VWA7: variants seen among roughly 807,000 people sequenced by gnomAD.
The protein encoded by VWA7 is von Willebrand factor A domain containing 7.
VWA7 carries 66 observed loss-of-function variants against 83.1 expected under a neutral mutation model. The observed-to-expected ratio is 0.79, with a 90% CI of 0.65 to 0.98. The LOEUF is 0.98. VWA7 is among the 50% of genes least tolerant of loss of function. The probability of loss-of-function intolerance (pLI) is 0.00; values close to 1 mark genes in which losing one functional copy is unlikely to be tolerated. For synonymous variants in VWA7, 424 were observed against 488.5 expected, an observed-to-expected ratio of 0.87 and a Z score of 1.74; for missense variants, 1,080 against 1,160.2, an observed-to-expected ratio of 0.93 and a Z score of 1.00.
chr6:31,773,512 G>A lies in VWA7; in HGVS notation c.722-75C>T. The A allele has an allele frequency of 2.8e-6, 4 of 1,407,372 alleles. No individual in the cohort carries two copies. The highest frequency in any genetic ancestry group is 3.8e-6 in the Non-Finnish European group (4 of 1,054,674). The allele number at this position is 1,407,372 out of a possible 1,614,324, so 87.2% of individuals were successfully genotyped here. A position where few individuals can be genotyped will look rare whatever the true frequency, so the allele number is the denominator to read the frequency against. On this transcript the variant is annotated intron_variant, in intron 5 of 16. Transcript: ENST00000375688. This position sits in a 1 kb window ranked among gnomAD's most constrained non-coding sequence, Gnocchi z 5.3. ...TCCTAAGAAAATGAGGCCCTTTCAG[G>A]CCTGGCCTGACCCTCTCACCCCTCA... is the stretch of plus-strand genomic sequence containing the variant.
chr6:31,772,584 C>CTTTTTTTTTTTTTTTTTTT lies in VWA7; in HGVS notation c.1087+351_1087+369dup, dbSNP rs9279415. Among the ~76,000 whole-genome samples, 172 of 35,082 alleles carry CTTTTTTTTTTTTTTTTTTT rather than the reference C, an allele frequency of 4.9e-3. 2 individuals are homozygous for CTTTTTTTTTTTTTTTTTTT. Among genetic ancestry groups the CTTTTTTTTTTTTTTTTTTT allele is most frequent in the Admixed American group, 5.5e-3 (11 of 2,000 alleles). The allele number at this position is 35,082 out of a possible 152,430, so 23.0% of individuals were successfully genotyped here. On this transcript the variant is annotated intron_variant, in intron 7 of 16. Coordinates refer to ENST00000375688, the MANE Select transcript of VWA7 (RefSeq NM_025258.3). ...CTTTTCTTTTTTTTTTCTTTCTTTTCTTTTTTTTTTTTTTTTTTTTTTTTT... is the reference window on the plus strand; with the variant it reads ...CTTTTCTTTTTTTTTTCTTTCTTTTCTTTTTTTTTTTTTTTTTTTTTTTTTTTTTTTTTTTTTTTTTTTT...
At position 31,766,448 on chromosome 6, in the gene VWA7, C is replaced by A. The variant is rs1204817696; in HGVS notation, c.2184+15G>T. The A allele has an allele frequency of 2.5e-6, 4 of 1,581,316 alleles. No homozygotes were observed. Among genetic ancestry groups the A allele is most frequent in the Non-Finnish European group, 3.4e-6 (4 of 1,162,974 alleles). On this transcript the variant is annotated intron_variant, in intron 14 of 16. Transcript: ENST00000375688. The surrounding 1 kb of genome is among the most constrained non-coding windows in gnomAD (Gnocchi z 4.9). ...CTCTCTCCAGCCCCAGCCGCACTTT[C>A]CCCTGGCGTCTCACCTCCAGAAGGA... is the stretch of plus-strand genomic sequence containing the variant.
At position 31,774,581 on chromosome 6, in the gene VWA7, C is replaced by T. The variant is rs775696558; in HGVS notation, c.656G>A (p.Arg219Lys). 1.9e-6 allele frequency: 3 copies of T among 1,612,738 alleles called. No individual in the cohort carries two copies. The highest frequency in any genetic ancestry group is 2.5e-6 in the Non-Finnish European group (3 of 1,179,938). ...CSDCEELSCP[R>K]NWLGFTLLTS... ...GAGGAGTGTGAAGCCCAGCCAATTCCTGGGGCAGCTCAACTCCTCGCAATC... is the reference window on the plus strand; with the variant it reads ...GAGGAGTGTGAAGCCCAGCCAATTCTTGGGGCAGCTCAACTCCTCGCAATC... The change falls in exon 5 of 17, where the codon AGG becomes AAG. Residue 219 changes from arginine (R) to lysine (K), a missense_variant. Coordinates refer to ENST00000375688, the MANE Select transcript of VWA7 (RefSeq NM_025258.3).
intron 10 of VWA7, 46 bp from the exon 11 acceptor site, chr6:31,767,800 T>C (rs1562267765): frequency 5.1e-6 from 8 of 1,576,284 alleles, no homozygotes; most frequent in Non-Finnish European, 6.9e-6. Flanking sequence ...AGATGAGGTA[T>C]GGGATGAGGA....
rs905302333 is a variant in VWA7, at chr6:31,767,303, C to T, written c.1790-53G>A. On this transcript the variant is annotated intron_variant, in intron 12 of 16. Transcript: ENST00000375688. ...CCTTCCTGAAAGGAATGTGACTGAT[C>T]GTGTTCTCTGAGGCCTGCAGTCTCT... The T allele has an allele frequency of 3.8e-5, 61 of 1,612,698 alleles. No homozygotes were observed. In the African/African-American group the frequency reaches 5.8e-4, roughly 15 times the overall value.
Position 31,769,173 on chromosome 6 carries a change from T to G in VWA7, c.1348A>C (p.Arg450=), listed in dbSNP as rs774582533. The G allele has an allele frequency of 6.2e-7, 1 of 1,612,916 alleles. No individual in the cohort carries two copies. The highest frequency in any genetic ancestry group is 8.5e-7 in the Non-Finnish European group (1 of 1,180,026). Residue 450 remains arginine, a synonymous_variant, in exon 10 of 17, where the codon AGG becomes CGG. Coordinates refer to ENST00000375688, the MANE Select transcript of VWA7 (RefSeq NM_025258.3). This position sits in a 1 kb window ranked among gnomAD's most constrained non-coding sequence, Gnocchi z 4.5. ...VTFLVTEDTS[R]VQGRARREIL... is the part of the protein sequence containing the mutation. The stretch of plus-strand genomic sequence containing the variant: ...TCACGCCGAGCTCGACCCTGAACCC[T>G]TGATGTATCTTCAGTCACCAGGAAT...
rs34428310 is a variant in VWA7 at position 31,766,340 on chromosome 6, C to T, written c.2229G>A (p.Pro743=). The change falls in exon 15 of 17, where the codon CCG becomes CCA. Residue 743 remains proline, a synonymous_variant. Coordinates refer to ENST00000375688, the MANE Select transcript of VWA7 (RefSeq NM_025258.3). This position sits in a 1 kb window ranked among gnomAD's most constrained non-coding sequence, Gnocchi z 4.9. ...AGAAGCTGGCGATGCGGAGACTGAG[C>T]GGGACTTTGCTGCCCGGGGCCAAGA... The part of the protein sequence containing the change: ...SGFLAPGSKV[P]LSLRIASFSG... The T allele has an allele frequency of 2.3e-3, 3,749 of 1,608,650 alleles. 24 individuals carry two copies. The highest frequency in any genetic ancestry group is 0.019 in the African/African-American group (1,388 of 75,000).
At chr6:31,770,312 T>G (rs1198027411) in intron 7 of VWA7, among the ~76,000 whole-genome samples, 199 bp from the exon 8 acceptor site, 1 of 151,526 alleles carries the variant, frequency 6.6e-6, no homozygotes, top group Non-Finnish European at 1.5e-5. Context: ...GAGGCCAAGG[T>G]GGGTGGATCA....
chr6:31,770,840 T>C (rs1812104182), intron 7 of VWA7, among the ~76,000 whole-genome samples: 1 of 151,240 alleles, frequency 6.6e-6, no homozygotes, highest in African/African-American at 2.4e-5. Flanking sequence ...TGAGACCCCA[T>C]CTCTACAAAA....
rs1199232600 is a variant in VWA7, at chr6:31,776,832, CCG to C, written c.-15-40_-15-39del. Reference sequence around the variant, plus strand: ...AGGCTCTCAAGGGAGGAGGAAGCAGCCGCGATTCCAGGGCAGGCCGGCTCTGC... The same window carrying C: ...AGGCTCTCAAGGGAGGAGGAAGCAGCCGATTCCAGGGCAGGCCGGCTCTGC... On this transcript the variant is annotated intron_variant, in intron 1 of 16. Transcript: ENST00000375688. This position sits in a 1 kb window ranked among gnomAD's most constrained non-coding sequence, Gnocchi z 6.2. 1 of 1,214,860 alleles carries C rather than the reference CCG, an allele frequency of 8.2e-7. No homozygotes were observed. The highest frequency in any genetic ancestry group is 1.1e-6 in the Non-Finnish European group (1 of 916,494). 75.3% of individuals were successfully genotyped at this position (1,214,860 alleles called of 1,614,324 possible). A position where few individuals can be genotyped will look rare whatever the true frequency, so the allele number is the denominator to read the frequency against.
In VWA7 at chr6:31,769,745, G is replaced by C. The variant is rs758427211; in HGVS notation, c.1247C>G (p.Thr416Arg). 6.2e-7 allele frequency: 1 copy of C among 1,612,986 alleles called. No homozygotes were observed. Among genetic ancestry groups the C allele is most frequent in the African/African-American group, 1.3e-5 (1 of 74,944 alleles). Reference sequence around the variant, plus strand: ...AAAGGCATCCTTGGGGGAGGCATCCGTGAAGACAAAGATATCTGAGAGTGG... The same window carrying C: ...AAAGGCATCCTTGGGGGAGGCATCCCTGAAGACAAAGATATCTGAGAGTGG... ...TPPLSDIFVF[T>R]DASPKDAFLT... Residue 416 changes from threonine to arginine, a missense_variant, in exon 9 of 17, where the codon ACG becomes AGG. By Grantham distance (71) the Thr-to-Arg change is moderately conservative. Transcript: ENST00000375688. The surrounding 1 kb of genome is among the most constrained non-coding windows in gnomAD (Gnocchi z 4.5).
rs1812649770 is a variant in VWA7 at position 31,776,009 on chromosome 6, G to C, written c.468C>G (p.His156Gln). Residue 156 changes from histidine (H) to glutamine (Q), a missense_variant, in exon 3 of 17, where the codon CAC becomes CAG. Transcript: ENST00000375688. This position sits in a 1 kb window ranked among gnomAD's most constrained non-coding sequence, Gnocchi z 6.2. The stretch of plus-strand genomic sequence containing the variant: ...CCCCGAGGCGCTGGCGAGCCAGGGT[G>C]TGGTCAAGGGCCCTGGCTGCCACCA... ...ETVVAARALDHTLARQRLGAA... is the reference protein window; with the variant it reads ...ETVVAARALDQTLARQRLGAA... 1.2e-6 allele frequency: 2 copies of C among 1,612,972 alleles called. No individual in the cohort carries two copies. The highest frequency in any genetic ancestry group is 2.2e-5 in the South Asian group (2 of 91,052).
intron 5 of VWA7, among the ~76,000 whole-genome samples, chr6:31,774,109 G>A (rs558470265): frequency 1.7e-4 from 25 of 144,724 alleles, no homozygotes; most frequent in Admixed American, 5.0e-4. Flanking sequence ...AGCCGAGATC[G>A]TGCCACTGTA....
At chr6:31,768,344 T>C (rs1223928571) in intron 10 of VWA7, among the ~76,000 whole-genome samples, 1 of 151,800 alleles carries the variant, frequency 6.6e-6, no homozygotes, top group Admixed American at 6.6e-5. Context: ...GCGTGGTGGC[T>C]CATGTCTGTA....
chr6:31,776,227 C>T lies in VWA7; in HGVS notation c.250G>A (p.Ala84Thr). ...LEDFLGRTLL[A>T]DDLFAAYFGP... ...AAGTAGGCGGCAAAGAGGTCATCAG[C>T]AAGGAGTGTTCGACCCTGGGGAGAA... The change falls in exon 3 of 17, where the codon GCT becomes ACT. Residue 84 changes from alanine to threonine, a missense_variant. By Grantham distance (58) the Ala-to-Thr change is moderately conservative (BLOSUM62 0). Coordinates refer to ENST00000375688, the MANE Select transcript of VWA7 (RefSeq NM_025258.3). This position sits in a 1 kb window ranked among gnomAD's most constrained non-coding sequence, Gnocchi z 6.2. 2 of 1,613,714 alleles carry T rather than the reference C, an allele frequency of 1.2e-6. No individual in the cohort carries two copies. Among genetic ancestry groups the T allele is most frequent in the Non-Finnish European group, 1.7e-6 (2 of 1,179,870 alleles).
chr6:31,773,419 C>A lies in VWA7; in HGVS notation c.740G>T (p.Gly247Val). 1 of 1,595,866 alleles carries A rather than the reference C, an allele frequency of 6.3e-7. No individual in the cohort carries two copies. Among genetic ancestry groups the A allele is most frequent in the Non-Finnish European group, 8.5e-7 (1 of 1,171,694 alleles). The change falls in exon 6 of 17, where the codon GGC becomes GTC. Residue 247 changes from glycine to valine, a missense_variant. Coordinates refer to ENST00000375688, the MANE Select transcript of VWA7 (RefSeq NM_025258.3). The surrounding 1 kb of genome is among the most constrained non-coding windows in gnomAD (Gnocchi z 5.3). ...PKPPGKCSHG[G>V]HFDRSSSQPP... ...CTGGGAGCTGCTCCGGTCAAAATGGCCCCCGTGGCTACATTTCCCTGGGTT... is the reference window on the plus strand; with the variant it reads ...CTGGGAGCTGCTCCGGTCAAAATGGACCCCGTGGCTACATTTCCCTGGGTT...
chr6:31,767,808 G>T (rs1009061638), intron 10 of VWA7, 54 bp from the exon 11 acceptor site: 2 of 1,565,120 alleles, frequency 1.3e-6, no homozygotes, highest in South Asian at 1.1e-5. Flanking sequence ...TATGGGATGA[G>T]GAACAAAGAA....
chr6:31,765,670 G>T lies in VWA7; in HGVS notation c.2600C>A (p.Ala867Glu). The part of the protein sequence containing the change: ...FTLVTQGRAG[A>E]GLAAGSPWWG... ...CCAGGGGCTGCCCGCAGCCAGCCCT[G>T]CCCCAGCCCTGCCTTGAGTCACCAA... Residue 867 changes from alanine to glutamate, a missense_variant, in exon 17 of 17, where the codon GCA becomes GAA. Coordinates refer to ENST00000375688, the MANE Select transcript of VWA7 (RefSeq NM_025258.3). The T allele has an allele frequency of 1.2e-6, 2 of 1,605,058 alleles. No individual in the cohort carries two copies. The highest frequency in any genetic ancestry group is 1.7e-6 in the Non-Finnish European group (2 of 1,176,366).
In VWA7 at chr6:31,765,924, G is replaced by A. The variant is rs542706359; in HGVS notation, c.2458C>T (p.His820Tyr). The A allele has an allele frequency of 7.8e-5, 126 of 1,613,140 alleles. No homozygotes were observed. In the South Asian group the frequency reaches 1.3e-3, roughly 16 times the overall value. Reference protein sequence around the residue: ...GREANPVPPTHAFLRLLVSAP... With the variant: ...GREANPVPPTYAFLRLLVSAP... ...GATACCAGGAGCCGGAGGAAAGCAT[G>A]AGTCGGGGGTACTGGGTTGGCTTCT... The change falls in exon 16 of 17, where the codon CAT (histidine) becomes TAT (tyrosine). Residue 820 changes from histidine to tyrosine, a missense_variant. Coordinates refer to ENST00000375688, the MANE Select transcript of VWA7 (RefSeq NM_025258.3).
Sources: allele counts gnomAD v4.1 joint callset (sites outside exome capture counted in the v4.1 genomes callset), GRCh38; gene constraint gnomAD v4.1.1; non-coding constraint Gnocchi (gnomAD v3.1); transcripts MANE v1.5; gene names NCBI Gene and HGNC (gene_info 2026-07-23, HGNC 2026-07-21).